The following EML1 variants were observed in gnomAD, a reference collection of about 807,000 sequenced individuals.
The protein encoded by EML1 is echinoderm microtubule-associated protein-like 1.
EML1 carries 27 observed loss-of-function variants against 110.4 expected under a neutral mutation model. The observed-to-expected ratio is 0.24, with a 90% CI of 0.18 to 0.34. The LOEUF (loss-of-function observed/expected upper bound fraction) is 0.34. Among genes scored for constraint, EML1 ranks in the 10% least tolerant of loss-of-function variants. The pLI, the probability that EML1 is intolerant of heterozygous loss-of-function variation, is 1.00. For synonymous variants in EML1, 344 were observed against 385.8 expected (o/e 0.89, Z 1.27); for missense variants, 741 against 1,030.9 (o/e 0.72, Z 3.85).
upstream of EML1, among the ~76,000 whole-genome samples, chr14:99,790,866 C>CTTTT (rs58349128): frequency 7.0e-6 from 1 of 142,686 alleles, no homozygotes; most frequent in Non-Finnish European, 1.5e-5. Flanking sequence ...TTTTCTTTTC[C>CTTTT]TTTTTTTTTG....
intron 1 of EML1, among the ~76,000 whole-genome samples, chr14:99,823,297 G>T (rs2058295283): frequency 6.6e-6 from 1 of 151,966 alleles, no homozygotes; most frequent in Admixed American, 6.6e-5. Context: ...CATCTGCCCT[G>T]CACGTGGGTG....
At chr14:99,931,479 C>A (rs2060366551) in intron 17 of EML1, among the ~76,000 whole-genome samples, 1 of 152,204 alleles carries the variant, frequency 6.6e-6, no homozygotes. Flanking sequence ...TAGAAAACAG[C>A]CGTAAGGTTG....
rs183329691 is a variant in EML1, at chr14:99,858,288, G to A, written c.251-7226G>A. ...CAACCTCTGCCTCCCAGATTCAAGC[G>A]ATTCTCCTGCCTCAGCCTCCCGAGT... On this transcript the variant is annotated intron_variant, in intron 2 of 21. Transcript: ENST00000262233. Among the ~76,000 whole-genome samples the A allele has an allele frequency of 3.4e-3, 512 of 151,650 alleles. 2 individuals are homozygous for A. The highest frequency in any genetic ancestry group is 0.012 in the African/African-American group (490 of 41,252).
At chr14:99,832,070 A>G (rs1239091780) in intron 1 of EML1, among the ~76,000 whole-genome samples, 1 of 151,832 alleles carries the variant, frequency 6.6e-6, no homozygotes, top group Non-Finnish European at 1.5e-5. Flanking sequence ...CACTCCAACT[A>G]CTGACCTGTC....
intron 1 of EML1, among the ~76,000 whole-genome samples, chr14:99,757,551 C>A (rs1160855236): frequency 6.6e-6 from 1 of 152,200 alleles, no homozygotes; most frequent in African/African-American, 2.4e-5. Flanking sequence ...TTCAACCTAA[C>A]TTTTTATTGG....
upstream of EML1, among the ~76,000 whole-genome samples, chr14:99,790,986 T>C (rs1277029132): frequency 6.6e-6 from 1 of 152,018 alleles, no homozygotes; most frequent in African/African-American, 2.4e-5. Flanking sequence ...GCTTCCCAAA[T>C]AGCTAGGACT....
rs117381745 is a variant in EML1 at position 99,847,337 on chromosome 14, A to G, written c.68-3516A>G. Among the ~76,000 whole-genome samples, 1,418 of 152,168 alleles carry G rather than the reference A, an allele frequency of 9.3e-3. 10 individuals are homozygous for G. Among genetic ancestry groups the G allele is most frequent in the Non-Finnish European group, 0.017 (1,151 of 68,000 alleles). Reference sequence around the variant, plus strand: ...GTTTATAGTGTTGTTCAAATATTCTATGTCTGTACTGGTTTTTTGTTTGTT... The same window carrying G: ...GTTTATAGTGTTGTTCAAATATTCTGTGTCTGTACTGGTTTTTTGTTTGTT... On this transcript the variant is annotated intron_variant, in intron 1 of 21. Coordinates refer to ENST00000262233, the MANE Select transcript of EML1 (RefSeq NM_004434.3).
chr14:99,940,297 A>G lies in EML1; in HGVS notation c.*185A>G, dbSNP rs1022037888. The G allele has an allele frequency of 4.2e-5, 31 of 731,456 alleles. No individual in the cohort carries two copies. The African/African-American group carries it at 5.1e-4, about 12-fold the overall frequency. 45.3% of individuals were successfully genotyped at this position (731,456 alleles called of 1,614,324 possible). A position where few individuals can be genotyped will look rare whatever the true frequency, so the allele number is the denominator to read the frequency against. On this transcript the variant is annotated 3_prime_UTR_variant, in exon 22 of 22. Transcript: ENST00000262233. ...ACAGCGGATCAGCGGTTCCGTGTTC[A>G]CTTTTGTTGTACAATATATGACACA...
intron 17 of EML1, among the ~76,000 whole-genome samples, chr14:99,926,029 G>A (rs181477095): frequency 6.6e-6 from 1 of 152,322 alleles, no homozygotes; most frequent in East Asian, 1.9e-4. Context: ...TGCTGGCCCA[G>A]CTGCTGCGAA....
At chr14:99,772,933 A>G (rs956330228), upstream of EML1, 1 of 152,176 alleles carries the variant, frequency 6.6e-6, no homozygotes, top group Admixed American at 6.5e-5. Flanking sequence ...AAATACAAGA[A>G]TTTCTCCCTT....
chr14:99,885,148 T>C (rs1204230895), intron 4 of EML1, among the ~76,000 whole-genome samples: 2 of 152,232 alleles, frequency 1.3e-5, no homozygotes, highest in Non-Finnish European at 2.9e-5. Flanking sequence ...GCTCAATAAC[T>C]ATTTGTTGAA....
intron 1 of EML1, chr14:99,737,903 AG>A: frequency 7.8e-7 from 1 of 1,285,670 alleles, no homozygotes; most frequent in Non-Finnish European, 1.0e-6. Flanking sequence ...CTCCGGTTGC[AG>A]AGCCAAGGCC....
intron 6 of EML1, 38 bp downstream of exon 6, chr14:99,894,796 A>G: frequency 1.3e-6 from 2 of 1,581,114 alleles, no homozygotes; most frequent in Non-Finnish European, 1.7e-6. Context: ...ACATGAAGTT[A>G]TCAGTCAATC....
chr14:99,919,401 CACACACACATACGCATGCACACAG>C (rs1247920403), intron 16 of EML1, among the ~76,000 whole-genome samples: 2,455 of 100,214 alleles, frequency 0.024, 40 homozygotes, highest in East Asian at 0.13. Context: ...TGTATAGCCA[CACACACACATACGCATGCACACAG>C]ACACACACAC....
Position 99,874,984 on chromosome 14 carries a change from C to T in EML1, c.384-3501C>T, listed in dbSNP as rs760829846. 13 of 1,613,406 alleles carry T rather than the reference C, an allele frequency of 8.1e-6. No individual in the cohort carries two copies. The South Asian group carries it at 9.9e-5, about 12-fold the overall frequency. ...GCTTGCAAACTGAATAGATCGACACCAAGGTGAGGGGAACTTAGATTTACT... is the reference window on the plus strand; with the variant it reads ...GCTTGCAAACTGAATAGATCGACACTAAGGTGAGGGGAACTTAGATTTACT... On this transcript the variant is annotated intron_variant, in intron 3 of 21. Transcript: ENST00000262233.
chr14:99,760,147 G>C (rs1170826908), intron 1 of EML1, among the ~76,000 whole-genome samples: 2 of 141,100 alleles, frequency 1.4e-5, no homozygotes, highest in African/African-American at 5.2e-5. Context: ...CACTCCATTT[G>C]GAAACACCCC....
chr14:99,771,148 A>G (rs938008515), upstream of EML1, among the ~76,000 whole-genome samples: 2 of 152,090 alleles, frequency 1.3e-5, no homozygotes, highest in African/African-American at 2.4e-5. Flanking sequence ...TGCAGAGTCA[A>G]TGGCTGAGAT....
rs2059996166 is a variant in EML1 at position 99,914,277 on chromosome 14, G to T, written c.1593G>T (p.Leu531=). 1 of 1,613,710 alleles carries T rather than the reference G, an allele frequency of 6.2e-7. No homozygotes were observed. Among genetic ancestry groups the T allele is most frequent in the Non-Finnish European group, 8.5e-7 (1 of 1,179,756 alleles). Residue 531 remains leucine, a synonymous_variant, in exon 14 of 22, where the codon CTG becomes CTT. Coordinates refer to ENST00000262233, the MANE Select transcript of EML1 (RefSeq NM_004434.3). The stretch of plus-strand genomic sequence containing the variant: ...GAAACTTTGTCCTGCAGGGCACTCT[G>T]TCAGGGGACTTCACACCCATTACTC... ...TTRNFVLQGT[L]SGDFTPITQG... is the part of the protein sequence containing the mutation.
At chr14:99,932,646 T>TA (rs10681463) in intron 17 of EML1, among the ~76,000 whole-genome samples, 47,405 of 134,300 alleles carry the variant, frequency 0.35, 9,714 homozygotes, top group Non-Finnish European at 0.46. Context: ...GACTCCATCT[T>TA]AAAAAAAAAA....
Sources: gnomAD v4.1 joint callset for allele counts (sites outside exome capture counted in the v4.1 genomes callset) on GRCh38, gnomAD v4.1.1 for gene constraint, MANE v1.5 for transcripts, NCBI Gene and HGNC (gene_info 2026-07-23, HGNC 2026-07-21) for gene names.